Variants in AGMO observed in about 807,000 individuals in gnomAD.
The protein encoded by AGMO is alkylglycerol monooxygenase.
In AGMO, 75 loss-of-function variants were observed where a neutral mutation model predicts 60.2. That is an observed-to-expected ratio of 1.25 (90% CI 1.03 to 1.51). AGMO has a LOEUF of 1.51. AGMO is among the 40% of genes most tolerant of loss of function. The probability of loss-of-function intolerance (pLI) is 0.00; values close to 1 mark genes in which losing one functional copy is unlikely to be tolerated. For missense variants in AGMO, 763 were observed against 525.5 expected (o/e 1.45, Z -4.42); for synonymous variants, 261 against 177.1 (o/e 1.47, Z -3.76).
chr7:15,542,557 C>T (rs770643151), intron 3 of AGMO, among the ~76,000 whole-genome samples: 4 of 152,068 alleles, frequency 2.6e-5, no homozygotes, highest in Non-Finnish European at 4.4e-5. Flanking sequence ...TAAACACATC[C>T]GTGTTGGGTA....
At chr7:15,388,194 A>G (rs368554611) in intron 8 of AGMO, among the ~76,000 whole-genome samples, 2 of 152,352 alleles carry the variant, frequency 1.3e-5, no homozygotes, top group African/African-American at 4.8e-5. Context: ...ATTGCTTAAA[A>G]TATGACAATA....
intron 12 of AGMO, among the ~76,000 whole-genome samples, chr7:15,329,496 C>A (rs1489587802): frequency 6.6e-6 from 1 of 152,128 alleles, no homozygotes; most frequent in Non-Finnish European, 1.5e-5. Context: ...AAAAATACGT[C>A]CTTAGTGGGA....
At chr7:15,335,853 A>T (rs1311122387) in intron 12 of AGMO, among the ~76,000 whole-genome samples, 2 of 152,164 alleles carry the variant, frequency 1.3e-5, no homozygotes, top group Non-Finnish European at 2.9e-5. Flanking sequence ...CCAAAATCTA[A>T]ATGTAGTCTT....
At chr7:15,432,663 C>A (rs1011000104) in intron 3 of AGMO, among the ~76,000 whole-genome samples, 4 of 151,658 alleles carry the variant, frequency 2.6e-5, no homozygotes, top group African/African-American at 4.8e-5. Flanking sequence ...TAACTTAGAT[C>A]CCAATTGGTT....
intron 12 of AGMO, among the ~76,000 whole-genome samples, chr7:15,227,193 G>A (rs1782110168): frequency 1.3e-5 from 2 of 151,946 alleles, no homozygotes; most frequent in South Asian, 4.1e-4. Flanking sequence ...TAACCAAATT[G>A]CAGTCTAACA....
chr7:15,505,299 GT>G, intron 3 of AGMO, among the ~76,000 whole-genome samples: 1 of 152,066 alleles, frequency 6.6e-6, no homozygotes, highest in South Asian at 2.1e-4. Context: ...TTTATGAGTA[GT>G]ATAGATGATG....
chr7:15,305,251 A>AC (rs2128528230), intron 12 of AGMO, among the ~76,000 whole-genome samples: 1 of 151,898 alleles, frequency 6.6e-6, no homozygotes, highest in Non-Finnish European at 1.5e-5. Flanking sequence ...AAAAAAAAAA[A>AC]AAAAAAAGTT....
At chr7:15,529,666 T>TCTATATATAGAATATATA (rs1784242650) in intron 3 of AGMO, among the ~76,000 whole-genome samples, 1 of 12,368 alleles carries the variant, frequency 8.1e-5, no homozygotes, top group Non-Finnish European at 1.8e-4. Flanking sequence ...CTATATATAT[T>TCTATATATAGAATATATA]CTATATATAT....
rs567072102 is a variant in AGMO at position 15,497,318 on chromosome 7, C to A, written c.409+47454G>T. On this transcript the variant is annotated intron_variant, in intron 3 of 12. Coordinates refer to ENST00000342526, the MANE Select transcript of AGMO (RefSeq NM_001004320.2). ...ACTTGTCAAACTCCAAAGCCTGGGA[C>A]TACAACCACTTGTTTGTATTGTCCC... Among the ~76,000 whole-genome samples, 46 of 152,152 alleles carry A rather than the reference C, an allele frequency of 3.0e-4. 1 individual carries two copies. Among genetic ancestry groups the A allele is most frequent in the South Asian group, 8.3e-4 (4 of 4,824 alleles).
At chr7:15,415,804 A>T (rs1780750239) in intron 5 of AGMO, among the ~76,000 whole-genome samples, 1 of 152,136 alleles carries the variant, frequency 6.6e-6, no homozygotes, top group African/African-American at 2.4e-5. Flanking sequence ...AGTTAAAAAC[A>T]TGTATTAAAT....
At chr7:15,250,860 G>C (rs182712078) in intron 12 of AGMO, among the ~76,000 whole-genome samples, 1 of 151,652 alleles carries the variant, frequency 6.6e-6, no homozygotes, top group African/African-American at 2.4e-5. Context: ...CAGGAGAATC[G>C]CTTGAACCCG....
the AGMO span, among the ~76,000 whole-genome samples, chr7:15,183,011 C>T: frequency 6.6e-6 from 1 of 152,062 alleles, no homozygotes; most frequent in Non-Finnish European, 1.5e-5. Flanking sequence ...ATATCCACCC[C>T]CATGATTCAA....
At chr7:15,318,430 A>G (rs1781007178) in intron 12 of AGMO, among the ~76,000 whole-genome samples, 1 of 152,172 alleles carries the variant, frequency 6.6e-6, no homozygotes, top group South Asian at 2.1e-4. Context: ...ATCACTCAAA[A>G]TGGCATTATT....
chr7:15,292,659 A>G (rs1331177665), intron 12 of AGMO, among the ~76,000 whole-genome samples: 1 of 152,046 alleles, frequency 6.6e-6, no homozygotes, highest in Non-Finnish European at 1.5e-5. Flanking sequence ...AAATAAAAAG[A>G]AAGACAAAGA....
chr7:15,206,433 G>T (rs771969452), intron 12 of AGMO, among the ~76,000 whole-genome samples: 104 of 152,120 alleles, frequency 6.8e-4, no homozygotes, highest in Non-Finnish European at 1.2e-3. Flanking sequence ...TTGAAATCTT[G>T]CATTATCTCT....
Position 15,212,247 on chromosome 7 carries a change from T to TACACACAC in AGMO, c.1264-10896_1264-10889dup, listed in dbSNP as rs57236152. On this transcript the variant is annotated intron_variant, in intron 12 of 12. Transcript: ENST00000342526. ...TATTTATTTAGTGTTAGGTGTGGAG[T>TACACACAC]ACACACACACACACACACACACACA... is the stretch of plus-strand genomic sequence containing the variant. Among the ~76,000 whole-genome samples, 491 of 146,374 alleles carry TACACACAC rather than the reference T, an allele frequency of 3.4e-3. 3 individuals are homozygous for TACACACAC. Among genetic ancestry groups the TACACACAC allele is most frequent in the East Asian group, 0.014 (70 of 4,896 alleles).
downstream of AGMO, among the ~76,000 whole-genome samples, chr7:15,198,118 A>T (rs983632870): frequency 1.3e-5 from 2 of 151,774 alleles, no homozygotes; most frequent in African/African-American, 4.8e-5. Flanking sequence ...AAATATCTTC[A>T]TATGATTTGC....
rs79041244 is a variant in AGMO, at chr7:15,374,427, G to C, written c.1075-8205C>G. Among the ~76,000 whole-genome samples, 19 of 152,080 alleles carry C rather than the reference G, an allele frequency of 1.2e-4. No individual in the cohort carries two copies. In the East Asian group the frequency reaches 3.7e-3, roughly 29 times the overall value. Reference sequence around the variant, plus strand: ...CATTGAATTGACATGGAGTTCATCAGTTTCTACAAAAAATTGTAAGAAATA... The same window carrying C: ...CATTGAATTGACATGGAGTTCATCACTTTCTACAAAAAATTGTAAGAAATA... On this transcript the variant is annotated intron_variant, in intron 10 of 12. Transcript: ENST00000342526.
intron 2 of AGMO, among the ~76,000 whole-genome samples, chr7:15,559,412 A>T (rs998657483): frequency 2.0e-5 from 3 of 152,154 alleles, no homozygotes; most frequent in Non-Finnish European, 2.9e-5. Context: ...ATAAGGTTGG[A>T]AAACAGATAA....
Sources: gnomAD v4.1 joint callset for allele counts (sites outside exome capture counted in the v4.1 genomes callset) on GRCh38, gnomAD v4.1.1 for gene constraint, MANE v1.5 for transcripts, NCBI Gene and HGNC (gene_info 2026-07-23, HGNC 2026-07-21) for gene names.